Variants in DPY19L1 observed in about 807,000 individuals in gnomAD.
The protein encoded by DPY19L1 is protein C-mannosyl-transferase DPY19L1.
In DPY19L1, 35 loss-of-function variants were observed where a neutral mutation model predicts 96.9. The ratio of observed to expected loss-of-function variants is 0.36; its 90% CI spans 0.28 to 0.48. The LOEUF is 0.48. Among genes scored for constraint, DPY19L1 ranks in the 20% least tolerant of loss-of-function variants. The pLI, the probability that DPY19L1 is intolerant of heterozygous loss-of-function variation, is 0.99. For synonymous variants in DPY19L1, 205 were observed against 252.6 expected (o/e 0.81, Z 1.79); for missense variants, 521 against 777.9 (o/e 0.67, Z 3.93).
intron 10 of DPY19L1, among the ~76,000 whole-genome samples, chr7:34,966,294 T>C (rs1467826771): frequency 6.6e-6 from 1 of 152,170 alleles, no homozygotes; most frequent in Non-Finnish European, 1.5e-5. Context: ...GCTCAGTTAA[T>C]GAACTTTTTT....
intron 3 of DPY19L1, among the ~76,000 whole-genome samples, chr7:35,014,462 C>G (rs184205327): frequency 6.6e-6 from 1 of 151,972 alleles, no homozygotes; most frequent in Non-Finnish European, 1.5e-5. Context: ...TGAGGGAAGA[C>G]AGAAACACAA....
rs183878683 is a variant in DPY19L1, at chr7:34,993,575, T to C, written c.765-3634A>G. On this transcript the variant is annotated intron_variant, in intron 6 of 21. Transcript: ENST00000638088. ...TAGGTAATTCTTACCAACTTATTCT[T>C]ACATATAACATCTGAACCAGTCTCC... is the stretch of plus-strand genomic sequence containing the variant. Among the ~76,000 whole-genome samples the C allele has an allele frequency of 5.4e-4, 82 of 152,236 alleles. No homozygotes were observed. In the Middle Eastern group the frequency reaches 0.024, roughly 45 times the overall value.
Position 34,989,846 on chromosome 7 carries a change from T to C in DPY19L1, c.822+38A>G, listed in dbSNP as rs115691642. On this transcript the variant is annotated intron_variant, in intron 7 of 21. Coordinates refer to ENST00000638088, the MANE Select transcript of DPY19L1 (RefSeq NM_001366673.1). Reference sequence around the variant, plus strand: ...TAAATTTAAAGAAGAAAACTGCATTTCCAGAAGTAATTCTGAGAATAGTTT... The same window carrying C: ...TAAATTTAAAGAAGAAAACTGCATTCCCAGAAGTAATTCTGAGAATAGTTT... The C allele has an allele frequency of 3.1e-3, 4,655 of 1,522,790 alleles. 73 individuals carry two copies. In the African/African-American group the frequency reaches 0.04, roughly 13 times the overall value. The allele number at this position is 1,522,790 out of a possible 1,614,324, so 94.3% of individuals were successfully genotyped here. A position where few individuals can be genotyped will look rare whatever the true frequency, so the allele number is the denominator to read the frequency against.
At chr7:35,037,736 C>G, upstream of DPY19L1, 1 of 915,950 alleles carries the variant, frequency 1.1e-6, no homozygotes, top group Non-Finnish European at 1.3e-6. Flanking sequence ...GCGCCGGACG[C>G]GCGCTCCAGG....
chr7:35,008,954 G>C lies in DPY19L1; in HGVS notation c.764+1514C>G, dbSNP rs896645531. Reference sequence around the variant, plus strand: ...CCTTTTCTCATTACCATATTCTTTTGGTTTAACTTATTTCCCTGCATCTTG... The same window carrying C: ...CCTTTTCTCATTACCATATTCTTTTCGTTTAACTTATTTCCCTGCATCTTG... On this transcript the variant is annotated intron_variant, in intron 6 of 21. Coordinates refer to ENST00000638088, the MANE Select transcript of DPY19L1 (RefSeq NM_001366673.1). Among the ~76,000 whole-genome samples the C allele has an allele frequency of 2.6e-5, 4 of 152,018 alleles. No homozygotes were observed. In the East Asian group the frequency reaches 7.7e-4, roughly 29 times the overall value.
chr7:34,930,693 TAAAAC>T lies in DPY19L1; in HGVS notation c.*875_*879del, dbSNP rs1350284846. The T allele has an allele frequency of 1.3e-5, 2 of 152,176 alleles. No individual in the cohort carries two copies. The highest frequency in any genetic ancestry group is 1.5e-5 in the Non-Finnish European group (1 of 68,026). The allele number at this position is 152,176 out of a possible 1,614,324, so 9.4% of individuals were successfully genotyped here. A position where few individuals can be genotyped will look rare whatever the true frequency, so the allele number is the denominator to read the frequency against. On this transcript the variant is annotated 3_prime_UTR_variant, in exon 22 of 22. Coordinates refer to ENST00000638088, the MANE Select transcript of DPY19L1 (RefSeq NM_001366673.1). The stretch of plus-strand genomic sequence containing the variant: ...TGGGGTTGTTCAAAATAGTTTTTCT[TAAAAC>T]TATAATTAAACATGAAAAAACTTTA...
chr7:34,985,607 C>G (rs1434144186), intron 7 of DPY19L1, among the ~76,000 whole-genome samples: 2 of 151,232 alleles, frequency 1.3e-5, no homozygotes, highest in Non-Finnish European at 3.0e-5. Flanking sequence ...AGGGGAAATT[C>G]AAATTAAAAC....
At chr7:35,009,343 T>A (rs1184740158) in intron 6 of DPY19L1, among the ~76,000 whole-genome samples, 1 of 152,144 alleles carries the variant, frequency 6.6e-6, no homozygotes, top group Non-Finnish European at 1.5e-5. Flanking sequence ...AAAGAATCAA[T>A]AAGCAGCAAG....
chr7:34,984,040 T>C (rs1447360795), intron 7 of DPY19L1, among the ~76,000 whole-genome samples: 1 of 152,216 alleles, frequency 6.6e-6, no homozygotes, highest in African/African-American at 2.4e-5. Context: ...GATAATGGAA[T>C]AGCATCTTTA....
At chr7:35,008,463 G>GA (rs1194476815) in intron 6 of DPY19L1, among the ~76,000 whole-genome samples, 1 of 152,090 alleles carries the variant, frequency 6.6e-6, no homozygotes, top group African/African-American at 2.4e-5. Context: ...TTCTGCCTTT[G>GA]AAAAAACAGT....
intron 1 of DPY19L1, among the ~76,000 whole-genome samples, chr7:35,028,198 G>A (rs1350892719): frequency 2.0e-5 from 3 of 152,140 alleles, no homozygotes; most frequent in Non-Finnish European, 4.4e-5. Flanking sequence ...AGGAGAGCTG[G>A]GTTTCTCTGA....
In DPY19L1 at chr7:34,949,995, G is replaced by A. The variant is rs1784237969; in HGVS notation, c.1321-97C>T. On this transcript the variant is annotated intron_variant, in intron 13 of 21. Coordinates refer to ENST00000638088, the MANE Select transcript of DPY19L1 (RefSeq NM_001366673.1). The stretch of plus-strand genomic sequence containing the variant: ...TGAAAATAGTTTTCATTACATTATA[G>A]AGCCCACTGTTCCCACACCAAGCCT... 7 of 616,880 alleles carry A rather than the reference G, an allele frequency of 1.1e-5. No individual in the cohort carries two copies. In the East Asian group the frequency reaches 2.4e-4, roughly 21 times the overall value. 38.2% of individuals were successfully genotyped at this position (616,880 alleles called of 1,614,324 possible).
chr7:34,944,455 A>G (rs1784098453), intron 16 of DPY19L1, among the ~76,000 whole-genome samples: 1 of 152,028 alleles, frequency 6.6e-6, no homozygotes, highest in African/African-American at 2.4e-5. Context: ...AATCCCACAA[A>G]AGAATAAAAG....
chr7:35,003,311 A>G (rs117167586), intron 6 of DPY19L1, among the ~76,000 whole-genome samples: 3 of 152,294 alleles, frequency 2.0e-5, no homozygotes, highest in East Asian at 1.9e-4. Flanking sequence ...GGAAATCCCA[A>G]TGGGATGCCA....
chr7:34,964,580 A>T (rs976910261), intron 10 of DPY19L1, among the ~76,000 whole-genome samples: 2 of 152,204 alleles, frequency 1.3e-5, no homozygotes, highest in African/African-American at 4.8e-5. Context: ...CTAGAAAGTT[A>T]ATTAATGTTA....
intron 21 of DPY19L1, among the ~76,000 whole-genome samples, chr7:34,937,381 T>G (rs934205166): frequency 7.2e-5 from 11 of 152,306 alleles, no homozygotes; most frequent in African/African-American, 1.7e-4. Context: ...ATGTGACCCC[T>G]GGTGCTCAGC....
At chr7:34,933,433 A>G (rs1460589811) in intron 21 of DPY19L1, among the ~76,000 whole-genome samples, 1 of 152,260 alleles carries the variant, frequency 6.6e-6, no homozygotes, top group Non-Finnish European at 1.5e-5. Context: ...ATACAGACAC[A>G]GATATCATTA....
intron 1 of DPY19L1, among the ~76,000 whole-genome samples, chr7:35,022,441 A>T (rs1356406029): frequency 6.6e-6 from 1 of 152,228 alleles, no homozygotes; most frequent in African/African-American, 2.4e-5. Context: ...TAGACTCTCT[A>T]GGATGCTGCA....
In DPY19L1 at chr7:34,997,527, G is replaced by A. The variant is rs546787615; in HGVS notation, c.765-7586C>T. ...CGGGAGGCTGAGGCAGGAGAATGGC[G>A]TGAACCCAGGAGGCGGAGCTTGCAG... is the stretch of plus-strand genomic sequence containing the variant. On this transcript the variant is annotated intron_variant, in intron 6 of 21. Transcript: ENST00000638088. Among the ~76,000 whole-genome samples, 24 of 145,796 alleles carry A rather than the reference G, an allele frequency of 1.6e-4. 1 individual carries two copies. The South Asian group carries it at 2.6e-3, about 16-fold the overall frequency.
Sources: allele counts gnomAD v4.1 joint callset (sites outside exome capture counted in the v4.1 genomes callset), GRCh38; gene constraint gnomAD v4.1.1; transcripts MANE v1.5; gene names NCBI Gene and HGNC (gene_info 2026-07-23, HGNC 2026-07-21).